Variants in XIRP2 observed in about 807,000 individuals in gnomAD.
The protein encoded by XIRP2 is xin actin-binding repeat-containing protein 2.
A neutral mutation model predicts 277.0 loss-of-function variants in XIRP2; 236 were observed. The observed-to-expected ratio is 0.85, with a 90% CI of 0.77 to 0.95. The LOEUF is 0.95. Ranked by LOEUF, XIRP2 falls within the 40% of genes least tolerant of loss-of-function variation. XIRP2 has a pLI of 0.00. For missense variants in XIRP2, 4,640 were observed against 4,157.5 expected (o/e 1.12, Z -3.19); for synonymous variants, 1,490 against 1,416.5 (o/e 1.05, Z -1.17).
At chr2:167,015,491 T>G (rs1456507701) in intron 2 of XIRP2, among the ~76,000 whole-genome samples, 1 of 151,746 alleles carries the variant, frequency 6.6e-6, no homozygotes, top group Non-Finnish European at 1.5e-5. Flanking sequence ...TTCTATGGGA[T>G]GTAGGTTTCC....
rs1448895384 is a variant in XIRP2, at chr2:167,210,735, C to T, written c.563C>T (p.Ala188Val). ...GTAAGCATGCTCTGTTTGCTTTCAG[C>T]GACTGCTGGCCCTAATAAGCCTGAG... is the stretch of plus-strand genomic sequence containing the variant. ...PESGHSRIFE[A>V]TAGPNKPESG... Residue 188 changes from alanine (A) to valine (V), a missense_variant and splice_region_variant, in exon 4 of 11, where the codon GCG (alanine) becomes GTG (valine). By Grantham distance (64) the Ala-to-Val change is moderately conservative. Coordinates refer to ENST00000409195, the MANE Select transcript of XIRP2 (RefSeq NM_152381.6). 1.2e-6 allele frequency: 2 copies of T among 1,613,850 alleles called. No individual in the cohort carries two copies. The highest frequency in any genetic ancestry group is 1.6e-4 in the Middle Eastern group (1 of 6,084).
At chr2:167,101,994 G>A (rs748029602) in intron 2 of XIRP2, among the ~76,000 whole-genome samples, 8 of 152,178 alleles carry the variant, frequency 5.3e-5, no homozygotes, top group Non-Finnish European at 1.0e-4. Context: ...GATAGAGGAG[G>A]TGGTGTCAAC....
chr2:166,953,616 T>C (rs1394205639), intron 2 of XIRP2, among the ~76,000 whole-genome samples: 1 of 151,954 alleles, frequency 6.6e-6, no homozygotes, highest in Non-Finnish European at 1.5e-5. Context: ...AAAATGGCCA[T>C]GCTCTGGATT....
chr2:167,083,220 C>T (rs375222063), intron 2 of XIRP2, among the ~76,000 whole-genome samples: 15,818 of 151,268 alleles, frequency 0.1, 840 homozygotes, highest in South Asian at 0.18. Flanking sequence ...CCATTGCTTG[C>T]TTTTCTCAGG....
intron 2 of XIRP2, among the ~76,000 whole-genome samples, chr2:166,985,936 C>G (rs1279056979): frequency 6.6e-6 from 1 of 152,132 alleles, no homozygotes; most frequent in Non-Finnish European, 1.5e-5. Context: ...AGAGCAGGCT[C>G]TTAATTGTCA....
chr2:167,151,694 G>A (rs1006621223), intron 3 of XIRP2, among the ~76,000 whole-genome samples: 4 of 151,998 alleles, frequency 2.6e-5, no homozygotes, highest in African/African-American at 4.8e-5. Context: ...AGTTTAAAAC[G>A]AAATGAAAAC....
intron 2 of XIRP2, among the ~76,000 whole-genome samples, chr2:167,073,380 A>G (rs1033154793): frequency 1.3e-5 from 2 of 152,170 alleles, no homozygotes; most frequent in Non-Finnish European, 2.9e-5. Flanking sequence ...TTAAATAGTA[A>G]AAATACTGTT....
At chr2:167,087,225 G>C (rs1047168245) in intron 2 of XIRP2, among the ~76,000 whole-genome samples, 3 of 152,210 alleles carry the variant, frequency 2.0e-5, no homozygotes, top group African/African-American at 7.2e-5. Flanking sequence ...GTGTACCCCT[G>C]CTGGGGGATG....
intron 3 of XIRP2, among the ~76,000 whole-genome samples, chr2:167,168,244 T>A (rs1692580936): frequency 1.3e-5 from 2 of 152,184 alleles, no homozygotes; most frequent in Admixed American, 1.3e-4. Flanking sequence ...TGTTCAGTGT[T>A]CTCTGCGCTT....
chr2:167,042,657 A>C (rs559984040), intron 2 of XIRP2, among the ~76,000 whole-genome samples: 1 of 152,238 alleles, frequency 6.6e-6, no homozygotes, highest in African/African-American at 2.4e-5. Context: ...AAGAAGACTT[A>C]ACTGTCCTAA....
chr2:167,067,647 T>C (rs1558967449), intron 2 of XIRP2, among the ~76,000 whole-genome samples: 1 of 151,678 alleles, frequency 6.6e-6, no homozygotes, highest in Non-Finnish European at 1.5e-5. Context: ...TGCTAAAAAA[T>C]GCAGACGCAG....
At position 167,249,343 on chromosome 2, in the gene XIRP2, G is replaced by A; in HGVS notation, c.7951G>A (p.Asp2651Asn). The A allele has an allele frequency of 6.2e-7, 1 of 1,613,708 alleles. No homozygotes were observed. Among genetic ancestry groups the A allele is most frequent in the Non-Finnish European group, 8.5e-7 (1 of 1,179,786 alleles). ...RLHHVLAASE[D>N]KDKMKKEVLQ... ...CCACCATGTTTTAGCAGCTTCAGAA[G>A]ACAAAGATAAGATGAAAAAGGAAGT... Residue 2651 changes from aspartate to asparagine, a missense_variant, in exon 9 of 11, where the codon GAC (aspartate) becomes AAC (asparagine). Transcript: ENST00000409195.
intron 2 of XIRP2, among the ~76,000 whole-genome samples, chr2:166,953,535 A>C (rs533441889): frequency 6.6e-6 from 1 of 152,036 alleles, no homozygotes; most frequent in South Asian, 2.1e-4. Context: ...GAAATAGTTC[A>C]ATTCCATTTC....
At position 167,242,861 on chromosome 2, in the gene XIRP2, C is replaced by T; in HGVS notation, c.1469C>T (p.Ser490Phe). The T allele has an allele frequency of 6.2e-7, 1 of 1,614,054 alleles. No homozygotes were observed. ...CTACCAGTCCCCAAAGATGTATATTCCAAGCAAAGAAATTTGTATGAATTA... is the reference window on the plus strand; with the variant it reads ...CTACCAGTCCCCAAAGATGTATATTTCAAGCAAAGAAATTTGTATGAATTA... ...RRLPVPKDVYSKQRNLYELNR... is the reference protein window; with the variant it reads ...RRLPVPKDVYFKQRNLYELNR... Residue 490 changes from serine to phenylalanine, a missense_variant, in exon 9 of 11, where the codon TCC becomes TTC. By Grantham distance (155) the Ser-to-Phe change is radical. Transcript: ENST00000409195.
chr2:167,151,176 T>C (rs1051970628), intron 3 of XIRP2, among the ~76,000 whole-genome samples: 1 of 152,124 alleles, frequency 6.6e-6, no homozygotes, highest in Non-Finnish European at 1.5e-5. Context: ...TGGGTCCCAG[T>C]TACCACAGAT....
intron 2 of XIRP2, among the ~76,000 whole-genome samples, chr2:167,107,467 TTTC>T (rs1690645282): frequency 2.0e-5 from 3 of 151,822 alleles, no homozygotes. Context: ...TCCTATAATT[TTTC>T]TTCTTTTATG....
intron 2 of XIRP2, among the ~76,000 whole-genome samples, chr2:166,931,556 A>T (rs759038734): frequency 1.3e-5 from 2 of 152,124 alleles, no homozygotes; most frequent in Non-Finnish European, 2.9e-5. Flanking sequence ...TTCACTTAAC[A>T]TATTTTGGAG....
chr2:167,180,094 G>C (rs552997750), intron 3 of XIRP2, among the ~76,000 whole-genome samples: 1 of 152,190 alleles, frequency 6.6e-6, no homozygotes, highest in South Asian at 2.1e-4. Context: ...ATATTCCACT[G>C]TTTCATAGTG....
intron 2 of XIRP2, among the ~76,000 whole-genome samples, chr2:167,098,706 T>C (rs1180411315): frequency 2.0e-5 from 3 of 152,252 alleles, no homozygotes; most frequent in Non-Finnish European, 2.9e-5. Context: ...TTGCTGTTGG[T>C]GACCTTCAGA....
Sources: allele counts gnomAD v4.1 joint callset (sites outside exome capture counted in the v4.1 genomes callset), GRCh38; gene constraint gnomAD v4.1.1; transcripts MANE v1.5; gene names NCBI Gene and HGNC (gene_info 2026-07-23, HGNC 2026-07-21).